LMNTD1: variants seen among roughly 807,000 people sequenced by gnomAD.
The protein encoded by LMNTD1 is lamin tail domain-containing protein 1.
In LMNTD1, 35 loss-of-function variants were observed where a neutral mutation model predicts 50.9. The ratio of observed to expected loss-of-function variants is 0.69; its 90% CI spans 0.53 to 0.91. The LOEUF (loss-of-function observed/expected upper bound fraction) is 0.91. Among genes scored for constraint, LMNTD1 ranks in the 40% least tolerant of loss-of-function variants. The pLI, the probability that LMNTD1 is intolerant of heterozygous loss-of-function variation, is 0.00. For missense variants in LMNTD1, 470 were observed against 475.5 expected, an observed-to-expected ratio of 0.99 and a Z score of 0.11; for synonymous variants, 153 against 161.9, an observed-to-expected ratio of 0.94 and a Z score of 0.42.
chr12:25,514,380 A>G (rs1394186755), intron 8 of LMNTD1, among the ~76,000 whole-genome samples: 1 of 152,216 alleles, frequency 6.6e-6, no homozygotes, highest in South Asian at 2.1e-4. Flanking sequence ...ATATACAAAA[A>G]GCAAATTGGA....
chr12:25,596,311 T>A (rs576200593), intron 1 of LMNTD1, among the ~76,000 whole-genome samples: 1 of 152,212 alleles, frequency 6.6e-6, no homozygotes, highest in African/African-American at 2.4e-5. Context: ...TGAATATAGG[T>A]GCTAAAATCC....
chr12:25,546,315 G>A, intron 4 of LMNTD1, 59 bp downstream of exon 4: 2 of 1,055,342 alleles, frequency 1.9e-6, no homozygotes, highest in Admixed American at 2.8e-5. Context: ...TTTGTTTTCT[G>A]CTGATTTATT....
At chr12:25,485,592 C>T (rs200060510) in intron 9 of LMNTD1, among the ~76,000 whole-genome samples, 15 of 137,682 alleles carry the variant, frequency 1.1e-4, no homozygotes, top group African/African-American at 1.4e-4. Context: ...TGCCTATGTC[C>T]TGAATGGTAA....
intron 9 of LMNTD1, among the ~76,000 whole-genome samples, chr12:25,500,336 A>C (rs1939315967): frequency 6.6e-6 from 1 of 152,100 alleles, no homozygotes; most frequent in Admixed American, 6.6e-5. Context: ...GCCCCAGGAG[A>C]AACTGTTATA....
At chr12:25,631,943 C>T (rs1215235688) in intron 1 of LMNTD1, among the ~76,000 whole-genome samples, 1 of 151,952 alleles carries the variant, frequency 6.6e-6, no homozygotes, top group Non-Finnish European at 1.5e-5. Context: ...AAATAGAGAG[C>T]TTAAAGAAAA....
Position 25,509,625 on chromosome 12 carries a change from C to T in LMNTD1, c.1190-5825G>A, listed in dbSNP as rs571657252. Among the ~76,000 whole-genome samples the T allele has an allele frequency of 5.9e-5, 9 of 152,238 alleles. No homozygotes were observed. In the East Asian group the frequency reaches 7.7e-4, roughly 13 times the overall value. On this transcript the variant is annotated intron_variant, in intron 8 of 9. Transcript: ENST00000458174. ...AAAAGATGTGTCCTAACCCTTGGAA[C>T]GTGCGAACATGACTTTATTTGGACA... is the stretch of plus-strand genomic sequence containing the variant.
At chr12:25,477,965 C>G (rs923696486) in intron 9 of LMNTD1, among the ~76,000 whole-genome samples, 11 of 152,100 alleles carry the variant, frequency 7.2e-5, no homozygotes, top group Admixed American at 7.2e-4. Flanking sequence ...GGGCAGGAAG[C>G]ATCCAGCGCA....
intron 1 of LMNTD1, among the ~76,000 whole-genome samples, chr12:25,628,424 AT>A (rs903994923): frequency 6.6e-6 from 1 of 152,096 alleles, no homozygotes; most frequent in African/African-American, 2.4e-5. Context: ...CTGAGCTATG[AT>A]TTTTTTCATC....
chr12:25,531,636 G>A (rs1004578680), intron 4 of LMNTD1, among the ~76,000 whole-genome samples: 2 of 151,408 alleles, frequency 1.3e-5, no homozygotes, highest in African/African-American at 4.9e-5. Flanking sequence ...TTTTCTTTTA[G>A]CCTGCTAGAT....
chr12:25,562,475 C>T (rs1944373487), intron 1 of LMNTD1, among the ~76,000 whole-genome samples: 1 of 152,232 alleles, frequency 6.6e-6, no homozygotes, highest in Admixed American at 6.5e-5. Context: ...CCACTCTCTT[C>T]TGGCTTGGAG....
chr12:25,513,573 T>C (rs753312165), intron 8 of LMNTD1, among the ~76,000 whole-genome samples: 1 of 152,144 alleles, frequency 6.6e-6, no homozygotes, highest in African/African-American at 2.4e-5. Context: ...GAAGCAAAAG[T>C]TGCAGTGAGC....
intron 1 of LMNTD1, among the ~76,000 whole-genome samples, chr12:25,573,620 C>A (rs1449234307): frequency 6.6e-6 from 1 of 151,998 alleles, no homozygotes; most frequent in African/African-American, 2.4e-5. Context: ...TCCGTGATGC[C>A]TATTTTGTTT....
intron 9 of LMNTD1, among the ~76,000 whole-genome samples, chr12:25,500,699 C>G (rs933849345): frequency 3.9e-5 from 6 of 152,142 alleles, no homozygotes; most frequent in Admixed American, 3.9e-4. Context: ...CCTAGCAAGT[C>G]TAAACGTTCA....
At chr12:25,541,176 C>A (rs1943041451) in intron 4 of LMNTD1, among the ~76,000 whole-genome samples, 1 of 78,194 alleles carries the variant, frequency 1.3e-5, no homozygotes, top group Non-Finnish European at 3.3e-5. Flanking sequence ...GATTCAATGC[C>A]ATCCCCATCA....
intron 1 of LMNTD1, among the ~76,000 whole-genome samples, chr12:25,599,422 T>C (rs745432022): frequency 3.9e-5 from 6 of 151,988 alleles, no homozygotes; most frequent in Non-Finnish European, 7.4e-5. Context: ...ACCACTGTTA[T>C]TTAACATAGT....
chr12:25,618,224 GC>G (rs1173311663), intron 1 of LMNTD1, among the ~76,000 whole-genome samples: 1 of 152,140 alleles, frequency 6.6e-6, no homozygotes, highest in African/African-American at 2.4e-5. Context: ...AGCCAAGCCT[GC>G]CCATTAGTCA....
chr12:25,609,625 C>T (rs1178297167), intron 1 of LMNTD1, among the ~76,000 whole-genome samples: 1 of 152,122 alleles, frequency 6.6e-6, no homozygotes, highest in African/African-American at 2.4e-5. Context: ...CACTCCAGAC[C>T]CTGTTTGCCT....
intron 4 of LMNTD1, among the ~76,000 whole-genome samples, chr12:25,535,686 G>T (rs992417583): frequency 6.6e-6 from 1 of 151,938 alleles, no homozygotes; most frequent in African/African-American, 2.4e-5. Flanking sequence ...CTGGGACAAA[G>T]AAAAAACAAA....
intron 1 of LMNTD1, among the ~76,000 whole-genome samples, chr12:25,577,582 G>A (rs936461078): frequency 6.6e-6 from 1 of 151,978 alleles, no homozygotes; most frequent in Non-Finnish European, 1.5e-5. Context: ...GGAGATTTTG[G>A]GCTGAGACAA....
Sources: allele counts gnomAD v4.1 joint callset (sites outside exome capture counted in the v4.1 genomes callset), GRCh38; gene constraint gnomAD v4.1.1; transcripts MANE v1.5; gene names NCBI Gene and HGNC (gene_info 2026-07-23, HGNC 2026-07-21).